Variants in PTPRG observed in about 807,000 individuals in gnomAD.
PTPRG encodes the protein receptor-type tyrosine-protein phosphatase gamma.
PTPRG carries 102 observed loss-of-function variants against 165.3 expected under a neutral mutation model. That is an observed-to-expected ratio of 0.62 (90% CI 0.53 to 0.73). The LOEUF is 0.73. Ranked by LOEUF, PTPRG falls within the 30% of genes least tolerant of loss-of-function variation. The probability of loss-of-function intolerance (pLI) is 0.00; values close to 1 mark genes in which losing one functional copy is unlikely to be tolerated. For missense variants in PTPRG, 1,866 were observed against 1,861.4 expected, an observed-to-expected ratio of 1.00 and a Z score of -0.05; for synonymous variants, 675 against 669.5, an observed-to-expected ratio of 1.01 and a Z score of -0.13.
chr3:62,177,934 A>C (rs898162701), intron 8 of PTPRG, among the ~76,000 whole-genome samples: 14 of 151,552 alleles, frequency 9.2e-5, no homozygotes, highest in African/African-American at 3.4e-4. Flanking sequence ...CCACTACCCC[A>C]TAAGTTCTGT....
chr3:61,834,455 G>A (rs909675142), intron 2 of PTPRG, among the ~76,000 whole-genome samples: 4 of 152,138 alleles, frequency 2.6e-5, no homozygotes, highest in Non-Finnish European at 5.9e-5. Context: ...TAGCTGCTCA[G>A]GAGGCTGAGG....
rs116118264 is a variant in PTPRG at position 61,986,287 on chromosome 3, A to G, written c.191-3338A>G. Among the ~76,000 whole-genome samples the G allele has an allele frequency of 3.3e-3, 504 of 152,332 alleles. 5 individuals carry two copies. Among genetic ancestry groups the G allele is most frequent in the Non-Finnish European group, 5.6e-3 (382 of 68,024 alleles). On this transcript the variant is annotated intron_variant, in intron 2 of 29. Transcript: ENST00000474889. Reference sequence around the variant, plus strand: ...GTGATAGGCATTGGAATGAAGTTGTACAAGATACAGAAGGAACCAGTTCTC... The same window carrying G: ...GTGATAGGCATTGGAATGAAGTTGTGCAAGATACAGAAGGAACCAGTTCTC...
At chr3:61,741,740 C>G (rs2032993418) in intron 1 of PTPRG, among the ~76,000 whole-genome samples, 1 of 151,980 alleles carries the variant, frequency 6.6e-6, no homozygotes, top group Non-Finnish European at 1.5e-5. Context: ...GTCAGATGAA[C>G]CAGTGTTGTG....
chr3:61,997,177 C>A (rs1365143875), intron 3 of PTPRG, among the ~76,000 whole-genome samples: 47 of 152,214 alleles, frequency 3.1e-4, no homozygotes, highest in Admixed American at 3.0e-3. Flanking sequence ...TCTTACTCAG[C>A]ACGTCCAGTG....
intron 2 of PTPRG, among the ~76,000 whole-genome samples, chr3:61,812,927 G>A (rs2035631443): frequency 6.6e-6 from 1 of 152,098 alleles, no homozygotes; most frequent in South Asian, 2.1e-4. Flanking sequence ...CTACTTTTAG[G>A]GTCTTAAATG....
At chr3:61,800,068 A>G (rs981334257) in intron 2 of PTPRG, among the ~76,000 whole-genome samples, 14 of 152,316 alleles carry the variant, frequency 9.2e-5, no homozygotes, top group African/African-American at 3.4e-4. Context: ...CAATGGAAAT[A>G]GAGTGAAAAA....
In PTPRG at chr3:62,295,350, A is replaced by G. The variant is rs1417205340; in HGVS notation, c.*2043A>G. ...ATTAAGTGGGTTGTTTTAGATGTAT[A>G]GAGTATTGATATGAGTTAACACTTT... On this transcript the variant is annotated 3_prime_UTR_variant, in exon 30 of 30. Coordinates refer to ENST00000474889, the MANE Select transcript of PTPRG (RefSeq NM_002841.4). 3.3e-5 allele frequency: 5 copies of G among 152,118 alleles called. No homozygotes were observed. Among genetic ancestry groups the G allele is most frequent in the Non-Finnish European group, 2.9e-5 (2 of 67,990 alleles). 9.4% of individuals were successfully genotyped at this position (152,118 alleles called of 1,614,324 possible). A position where few individuals can be genotyped will look rare whatever the true frequency, so the allele number is the denominator to read the frequency against.
intron 4 of PTPRG, among the ~76,000 whole-genome samples, chr3:62,006,104 G>A (rs2041292481): frequency 6.6e-6 from 1 of 152,104 alleles, no homozygotes; most frequent in Non-Finnish European, 1.5e-5. Context: ...AGAAATGGCA[G>A]CCACCATGCC....
rs141078289 is a variant in PTPRG, at chr3:61,644,920, A to G, written c.85+82548A>G. On this transcript the variant is annotated intron_variant, in intron 1 of 29. Transcript: ENST00000474889. ...AAGAAGGTGTTGCTTTATGGTCGAC[A>G]TAACCCATTTGCTGCTGGAAAGTTG... Among the ~76,000 whole-genome samples the G allele has an allele frequency of 5.9e-4, 90 of 152,368 alleles. 1 individual carries two copies. In the Middle Eastern group the frequency reaches 0.034, roughly 58 times the overall value.
Position 62,296,109 on chromosome 3 carries a change from G to A in PTPRG, c.*2802G>A, listed in dbSNP as rs957491152. 1 of 152,058 alleles carries A rather than the reference G, an allele frequency of 6.6e-6. No homozygotes were observed. The highest frequency in any genetic ancestry group is 2.4e-5 in the African/African-American group (1 of 41,420). 9.4% of individuals were successfully genotyped at this position (152,058 alleles called of 1,614,324 possible). A position where few individuals can be genotyped will look rare whatever the true frequency, so the allele number is the denominator to read the frequency against. On this transcript the variant is annotated 3_prime_UTR_variant, in exon 30 of 30. Transcript: ENST00000474889. ...CCAAGTGGCTGTGCTGGACATCAAA[G>A]AAAAGACATGCTGTTGCCATCAGGA... is the stretch of plus-strand genomic sequence containing the variant.
intron 8 of PTPRG, among the ~76,000 whole-genome samples, chr3:62,175,703 G>A (rs1426058963): frequency 6.6e-6 from 1 of 152,186 alleles, no homozygotes; most frequent in Non-Finnish European, 1.5e-5. Flanking sequence ...CAAGTCCACT[G>A]ATGATGGGCT....
intron 6 of PTPRG, among the ~76,000 whole-genome samples, chr3:62,138,132 A>G (rs908297438): frequency 1.1e-4 from 17 of 152,206 alleles, no homozygotes; most frequent in African/African-American, 3.9e-4. Context: ...GTTGTGAGTT[A>G]TATCTGCCGT....
At chr3:61,753,328 A>AGTTTCATATAAGTTTCAT (rs2033515961) in intron 2 of PTPRG, among the ~76,000 whole-genome samples, 4 of 152,200 alleles carry the variant, frequency 2.6e-5, no homozygotes, top group African/African-American at 9.6e-5. Flanking sequence ...TTCATATAGA[A>AGTTTCATATAAGTTTCAT]TTGTACTGAA....
In PTPRG at chr3:61,869,738, C is replaced by G. The variant is rs147449584; in HGVS notation, c.191-119887C>G. On this transcript the variant is annotated intron_variant, in intron 2 of 29. Coordinates refer to ENST00000474889, the MANE Select transcript of PTPRG (RefSeq NM_002841.4). ...GGACCGTAGGTGCACGCCACCCTGC[C>G]TGGCTAATTTTTTGTTTTGTTTTGT... Among the ~76,000 whole-genome samples, 465 of 149,704 alleles carry G rather than the reference C, an allele frequency of 3.1e-3. 1 individual carries two copies. Among genetic ancestry groups the G allele is most frequent in the African/African-American group, 0.011 (439 of 40,356 alleles).
chr3:62,120,338 C>G (rs961580329), intron 5 of PTPRG, among the ~76,000 whole-genome samples: 2 of 71,064 alleles, frequency 2.8e-5, no homozygotes, highest in African/African-American at 7.6e-5. Flanking sequence ...GTAGAATCTT[C>G]CAGAATTTTG....
chr3:61,812,920 C>T (rs1177485995), intron 2 of PTPRG, among the ~76,000 whole-genome samples: 3 of 152,214 alleles, frequency 2.0e-5, no homozygotes, highest in Non-Finnish European at 2.9e-5. Flanking sequence ...TGCATAACTA[C>T]TTTTAGGGTC....
rs112845451 is a variant in PTPRG at position 61,748,921 on chromosome 3, C to T, written c.129C>T (p.His43=). 92 of 1,613,126 alleles carry T rather than the reference C, an allele frequency of 5.7e-5. 1 individual carries two copies. Among genetic ancestry groups the T allele is most frequent in the South Asian group, 4.7e-4 (43 of 90,950 alleles). The change falls in exon 2 of 30, where the codon CAC becomes CAT. Residue 43 remains histidine (H), a synonymous_variant. Coordinates refer to ENST00000474889, the MANE Select transcript of PTPRG (RefSeq NM_002841.4). ...GYVGALHENR[H]GSAVQIRRRK... is the part of the protein sequence containing the mutation. ...TTGGGGCCCTGCACGAGAATAGACA[C>T]GGCAGCGCAGTGCAGATCCGCAGGC...
rs555692671 is a variant in PTPRG, at chr3:62,075,191, G to GT, written c.520-2971dup. ...AAAATGCCCTTGAAGAGGTCTTAAA[G>GT]TATTTTGTATCACACGCTATTCGGG... On this transcript the variant is annotated intron_variant, in intron 4 of 29. Transcript: ENST00000474889. Among the ~76,000 whole-genome samples, 418 of 152,240 alleles carry GT rather than the reference G, an allele frequency of 2.7e-3. 4 individuals are homozygous for GT. Among genetic ancestry groups the GT allele is most frequent in the Non-Finnish European group, 4.7e-3 (317 of 68,012 alleles).
At chr3:62,004,497 T>A (rs2041247558) in intron 4 of PTPRG, among the ~76,000 whole-genome samples, 1 of 152,184 alleles carries the variant, frequency 6.6e-6, no homozygotes, top group South Asian at 2.1e-4. Context: ...TCCTTGCCCC[T>A]CCTTAGTTCT....
Sources: gnomAD v4.1 joint callset for allele counts (sites outside exome capture counted in the v4.1 genomes callset) on GRCh38, gnomAD v4.1.1 for gene constraint, MANE v1.5 for transcripts, NCBI Gene and HGNC (gene_info 2026-07-23, HGNC 2026-07-21) for gene names.